FKBP5: variants seen among roughly 807,000 people sequenced by gnomAD.
FKBP5 encodes the protein FKBP prolyl isomerase 5.
FKBP5 carries 23 observed loss-of-function variants against 50.5 expected under a neutral mutation model. The observed-to-expected ratio is 0.46, with a 90% CI of 0.33 to 0.65. The LOEUF is 0.65. Ranked by LOEUF, FKBP5 falls within the 30% of genes least tolerant of loss-of-function variation. FKBP5 has a pLI of 0.02. For synonymous variants in FKBP5, 176 were observed against 190.6 expected, an observed-to-expected ratio of 0.92 and a Z score of 0.63; for missense variants, 411 against 553.1, an observed-to-expected ratio of 0.74 and a Z score of 2.58.
intron 1 of FKBP5, among the ~76,000 whole-genome samples, chr6:35,658,055 CCT>C (rs1214705063): frequency 1.3e-5 from 2 of 149,458 alleles, no homozygotes; most frequent in Non-Finnish European, 3.0e-5. Context: ...ATGGTGAAAC[CCT>C]GTTTCTACTA....
chr6:35,703,532 C>G lies in FKBP5; in HGVS notation c.-20+16796G>C, dbSNP rs142072984. Among the ~76,000 whole-genome samples, 399 of 152,000 alleles carry G rather than the reference C, an allele frequency of 2.6e-3. 4 individuals carry two copies. Among genetic ancestry groups the G allele is most frequent in the African/African-American group, 9.1e-3 (379 of 41,450 alleles). ...GCATGTAACAAAATATCACATGTAC[C>G]CCATAAATATGTACTAATATTATTT... On this transcript the variant is annotated intron_variant, in intron 2 of 11. Transcript: ENST00000536438.
rs527915659 is a variant in FKBP5 at position 35,697,581 on chromosome 6, G to GATGCT, written c.-20+22742_-20+22746dup. On this transcript the variant is annotated intron_variant, in intron 2 of 11. Coordinates refer to the FKBP5 transcript ENST00000536438. ...AAAAAAAAAGAATGAAGTACTAATA[G>GATGCT]ATGCTACAACATGTATGAACCTTGA... Among the ~76,000 whole-genome samples, 34 of 147,308 alleles carry GATGCT rather than the reference G, an allele frequency of 2.3e-4. No homozygotes were observed. The East Asian group carries it at 6.3e-3, about 27-fold the overall frequency.
chr6:35,689,093 G>A (rs997600805), upstream of FKBP5, among the ~76,000 whole-genome samples: 3 of 152,168 alleles, frequency 2.0e-5, no homozygotes, highest in Non-Finnish European at 4.4e-5. Flanking sequence ...ATGCAAATGA[G>A]GCCCCGCCCC....
At chr6:35,585,100 T>G (rs1762560085) in intron 8 of FKBP5, 12 of 984,476 alleles carry the variant, frequency 1.2e-5, no homozygotes, top group Non-Finnish European at 1.2e-5. Flanking sequence ...CTGAGCTGTT[T>G]TACTACACTG....
intron 1 of FKBP5, among the ~76,000 whole-genome samples, chr6:35,683,006 G>C (rs902060584): frequency 2.0e-5 from 3 of 150,704 alleles, no homozygotes; most frequent in African/African-American, 4.9e-5. Context: ...ATGTATGTAT[G>C]TGTCTGTGTG....
chr6:35,646,743 C>A (rs1313612364), intron 1 of FKBP5, among the ~76,000 whole-genome samples: 1 of 152,130 alleles, frequency 6.6e-6, no homozygotes, highest in African/African-American at 2.4e-5. Context: ...GCTGAACTGT[C>A]CAAAGGCGGA....
intron 8 of FKBP5, chr6:35,584,142 T>C: frequency 1.0e-6 from 1 of 985,464 alleles, no homozygotes; most frequent in South Asian, 4.7e-5. Flanking sequence ...GCAAAAATCG[T>C]GTCTGTTTAA....
At chr6:35,649,584 A>G (rs1012290142) in intron 1 of FKBP5, among the ~76,000 whole-genome samples, 8 of 152,204 alleles carry the variant, frequency 5.3e-5, no homozygotes, top group Admixed American at 5.2e-4. Context: ...AGCTTATTGT[A>G]AACATGAAAG....
At chr6:35,668,486 AC>A (rs1484856709) in intron 1 of FKBP5, among the ~76,000 whole-genome samples, 2 of 152,268 alleles carry the variant, frequency 1.3e-5, no homozygotes, top group African/African-American at 4.8e-5. Flanking sequence ...GACATGTAAT[AC>A]AGCTAAAAAT....
intron 2 of FKBP5, among the ~76,000 whole-genome samples, chr6:35,711,444 C>T (rs34237662): frequency 5.9e-4 from 89 of 152,044 alleles, no homozygotes; most frequent in Middle Eastern, 6.8e-3. Flanking sequence ...ATGGTGAAAC[C>T]CTGTCTCTAC....
At chr6:35,720,008 G>A (rs111388699) in intron 2 of FKBP5, among the ~76,000 whole-genome samples, 1,828 of 152,312 alleles carry the variant, frequency 0.012, 21 homozygotes, top group Middle Eastern at 0.02. Flanking sequence ...GCAGCAGGAA[G>A]GACAGAGTCA....
intron 5 of FKBP5, among the ~76,000 whole-genome samples, chr6:35,604,664 A>G (rs926139309): frequency 1.3e-5 from 2 of 152,220 alleles, no homozygotes; most frequent in African/African-American, 4.8e-5. Context: ...AAGAACACAT[A>G]GCTAGATACT....
intron 5 of FKBP5, among the ~76,000 whole-genome samples, chr6:35,601,810 A>G (rs1015854534): frequency 2.6e-5 from 4 of 152,182 alleles, no homozygotes; most frequent in Non-Finnish European, 4.4e-5. Context: ...AAAAGTACAT[A>G]CAGGATGCTT....
In FKBP5 at chr6:35,711,593, G is replaced by A. The variant is rs545362110; in HGVS notation, c.-20+8735C>T. ...AGGCCGTGCCACTGTGCTCCAGCCT[G>A]GGCAACAGAGCAAGACTCCACTTCA... On this transcript the variant is annotated intron_variant, in intron 2 of 11. Coordinates refer to the FKBP5 transcript ENST00000536438. 2.6e-5 allele frequency among the ~76,000 whole-genome samples: 4 copies of A among 152,004 alleles called. No individual in the cohort carries two copies. In the East Asian group the frequency reaches 7.7e-4, roughly 29 times the overall value.
chr6:35,672,361 A>G (rs373438584), intron 1 of FKBP5, among the ~76,000 whole-genome samples: 1 of 151,872 alleles, frequency 6.6e-6, no homozygotes, highest in African/African-American at 2.4e-5. Flanking sequence ...GAGGACATGG[A>G]AAAAAGTTTT....
chr6:35,584,285 A>G (rs1005436852), intron 8 of FKBP5: 49 of 985,462 alleles, frequency 5.0e-5, no homozygotes, highest in Non-Finnish European at 5.7e-5. Context: ...TACATCTTCA[A>G]TGGCAAAATC....
At chr6:35,585,447 G>C in intron 8 of FKBP5, 2 of 985,182 alleles carry the variant, frequency 2.0e-6, no homozygotes, top group South Asian at 9.4e-5. Context: ...CAGAAATTCA[G>C]GCTGGAAAGA....
chr6:35,632,604 G>A lies in FKBP5; in HGVS notation c.250+4410C>T, dbSNP rs1025319164. On this transcript the variant is annotated intron_variant, in intron 3 of 10. Coordinates refer to ENST00000357266, the MANE Select transcript of FKBP5 (RefSeq NM_004117.4). Reference sequence around the variant, plus strand: ...AAGAATAGAGTTTAAAAGATGGTACGGCTAGCCAGGCGCGGTAGCTCATGC... The same window carrying A: ...AAGAATAGAGTTTAAAAGATGGTACAGCTAGCCAGGCGCGGTAGCTCATGC... Among the ~76,000 whole-genome samples, 5 of 151,788 alleles carry A rather than the reference G, an allele frequency of 3.3e-5. No homozygotes were observed. In the East Asian group the frequency reaches 5.8e-4, roughly 18 times the overall value.
chr6:35,684,468 GCACCTCGC>G (rs1311311166), intron 1 of FKBP5, among the ~76,000 whole-genome samples: 1 of 152,144 alleles, frequency 6.6e-6, no homozygotes, highest in African/African-American at 2.4e-5. Context: ...GTGAGTCACT[GCACCTCGC>G]CACCTTTTTC....
Sources: gnomAD v4.1 joint callset for allele counts (sites outside exome capture counted in the v4.1 genomes callset) on GRCh38, gnomAD v4.1.1 for gene constraint, MANE v1.5 for transcripts, NCBI Gene and HGNC (gene_info 2026-07-23, HGNC 2026-07-21) for gene names.